The following USP12 variants were observed in gnomAD, a reference collection of about 807,000 sequenced individuals.
USP12 encodes ubiquitin carboxyl-terminal hydrolase 12.
Under a neutral mutation model 45.5 loss-of-function variants are expected in USP12, and 19 were observed. The observed-to-expected ratio is 0.42, with a 90% CI of 0.29 to 0.61. USP12 has a LOEUF of 0.61. Among genes scored for constraint, USP12 ranks in the 20% least tolerant of loss-of-function variants. USP12 has a pLI of 0.22. For synonymous variants in USP12, 149 were observed against 148.8 expected (o/e 1.00, Z -0.01); for missense variants, 242 against 447.7 (o/e 0.54, Z 4.15).
intron 1 of USP12, among the ~76,000 whole-genome samples, chr13:27,160,970 A>T (rs1878080620): frequency 6.6e-6 from 1 of 151,964 alleles, no homozygotes. Flanking sequence ...CACAGGCCCC[A>T]GTGTGTAGCG....
chr13:27,131,394 C>T (rs1427971408), intron 1 of USP12, among the ~76,000 whole-genome samples: 1 of 152,116 alleles, frequency 6.6e-6, no homozygotes, highest in African/African-American at 2.4e-5. Context: ...CTCGGGGTTA[C>T]AGAAATCAAA....
At position 27,075,314 on chromosome 13, in the gene USP12, C is replaced by T. The variant is rs1565980999; in HGVS notation, c.809G>A (p.Arg270Gln). Residue 270 changes from arginine (R) to glutamine (Q), a missense_variant, in exon 7 of 9, where the codon CGA becomes CAA. Transcript: ENST00000282344. ...KRFKYMDQLH[R>Q]YTKLSYRVVF... The stretch of plus-strand genomic sequence containing the variant: ...TACCCGGTAAGAGAGTTTTGTATAT[C>T]GATGAAGTTGATCCATATATTTAAA... 1.9e-6 allele frequency: 3 copies of T among 1,614,020 alleles called. No individual in the cohort carries two copies. The highest frequency in any genetic ancestry group is 2.5e-6 in the Non-Finnish European group (3 of 1,179,990).
intron 1 of USP12, among the ~76,000 whole-genome samples, chr13:27,147,651 G>A (rs1877366775): frequency 6.6e-6 from 1 of 151,934 alleles, no homozygotes; most frequent in Non-Finnish European, 1.5e-5. Flanking sequence ...CAAGAAAAGA[G>A]GATGCATCAC....
rs1876418401 is a variant in USP12 at position 27,129,990 on chromosome 13, T to C, written c.49-13394A>G. Among the ~76,000 whole-genome samples, 1 of 152,154 alleles carries C rather than the reference T, an allele frequency of 6.6e-6. No individual in the cohort carries two copies. Among genetic ancestry groups the C allele is most frequent in the Non-Finnish European group, 1.5e-5 (1 of 68,032 alleles). On this transcript the variant is annotated intron_variant, in intron 1 of 8. Transcript: ENST00000282344. The surrounding 1 kb of genome is among the most constrained non-coding windows in gnomAD (Gnocchi z 4.0). ...CTGAAAAATACATCAGAATCAACTA[T>C]TCTGAACCTTAGAACCTAATCAGAC... is the stretch of plus-strand genomic sequence containing the variant.
chr13:27,144,483 A>C (rs1877216529), intron 1 of USP12, among the ~76,000 whole-genome samples: 1 of 142,564 alleles, frequency 7.0e-6, no homozygotes, highest in Admixed American at 7.3e-5. Flanking sequence ...CCTAGGCAAC[A>C]GGGCAAGACT....
intron 1 of USP12, among the ~76,000 whole-genome samples, chr13:27,151,497 C>T (rs1877565628): frequency 6.6e-6 from 1 of 152,112 alleles, no homozygotes; most frequent in South Asian, 2.1e-4. Context: ...ACTCTTACAC[C>T]AGGGCCAGGC....
intron 1 of USP12, among the ~76,000 whole-genome samples, chr13:27,151,061 G>T (rs1260305885): frequency 6.6e-6 from 1 of 152,150 alleles, no homozygotes; most frequent in Non-Finnish European, 1.5e-5. Flanking sequence ...AGACGCTGTG[G>T]CTCACATCTG....
intron 1 of USP12, among the ~76,000 whole-genome samples, chr13:27,147,264 T>C (rs959937832): frequency 1.3e-5 from 2 of 152,246 alleles, no homozygotes; most frequent in Non-Finnish European, 2.9e-5. Flanking sequence ...TGTAGAATGA[T>C]ACCTAATCTA....
intron 1 of USP12, chr13:27,117,753 G>A: frequency 3.9e-6 from 2 of 518,250 alleles, no homozygotes; most frequent in Middle Eastern, 6.4e-4. Flanking sequence ...CAAAATTCAA[G>A]AAACAAGGAC....
chr13:27,152,424 T>A (rs1296728307), intron 1 of USP12, among the ~76,000 whole-genome samples: 2 of 151,858 alleles, frequency 1.3e-5, no homozygotes. Context: ...AAGCAGATAA[T>A]TATATAAACA....
chr13:27,083,576 A>G (rs1230056567), intron 6 of USP12, among the ~76,000 whole-genome samples: 1 of 152,154 alleles, frequency 6.6e-6, no homozygotes, highest in Non-Finnish European at 1.5e-5. Context: ...GGATAAACGT[A>G]TATGACCATT....
rs1469164861 is a variant in USP12, at chr13:27,069,065, T to C, written c.*218A>G. The C allele has an allele frequency of 9.2e-6, 5 of 542,018 alleles. No individual in the cohort carries two copies. Among genetic ancestry groups the C allele is most frequent in the Admixed American group, 3.5e-5 (1 of 28,802 alleles). 33.6% of individuals were successfully genotyped at this position (542,018 alleles called of 1,614,324 possible). On this transcript the variant is annotated 3_prime_UTR_variant, in exon 9 of 9. Coordinates refer to ENST00000282344, the MANE Select transcript of USP12 (RefSeq NM_182488.4). ...TCTCTGATTTCACCTCCTTGTTGTA[T>C]GGAACTGTACAGACAGCATGATACC... is the stretch of plus-strand genomic sequence containing the variant.
chr13:27,129,154 C>A lies in USP12; in HGVS notation c.49-12558G>T, dbSNP rs1466388628. Among the ~76,000 whole-genome samples the A allele has an allele frequency of 1.8e-5, 1 of 54,410 alleles. No homozygotes were observed. The highest frequency in any genetic ancestry group is 3.1e-5 in the African/African-American group (1 of 32,462). The allele number at this position is 54,410 out of a possible 152,430, so 35.7% of individuals were successfully genotyped here. A position where few individuals can be genotyped will look rare whatever the true frequency, so the allele number is the denominator to read the frequency against. Reference sequence around the variant, plus strand: ...ATCTAGAAAGAGTTCTTCATTCTTACCACAATAAGAAAGTGACCTGTAGCT... The same window carrying A: ...ATCTAGAAAGAGTTCTTCATTCTTAACACAATAAGAAAGTGACCTGTAGCT... On this transcript the variant is annotated intron_variant, in intron 1 of 8. Transcript: ENST00000282344. This position sits in a 1 kb window ranked among gnomAD's most constrained non-coding sequence, Gnocchi z 4.0.
chr13:27,078,152 T>C (rs1304075215), intron 6 of USP12, among the ~76,000 whole-genome samples: 2 of 152,188 alleles, frequency 1.3e-5, no homozygotes, highest in African/African-American at 2.4e-5. Context: ...TGGCCCTCCA[T>C]ATTGGGAGTT....
At chr13:27,142,097 G>C (rs886539870) in intron 1 of USP12, among the ~76,000 whole-genome samples, 2 of 152,178 alleles carry the variant, frequency 1.3e-5, no homozygotes, top group Non-Finnish European at 2.9e-5. Context: ...ACTCCAGCCT[G>C]GGTGACAGAG....
At chr13:27,136,650 C>G (rs1876818151) in intron 1 of USP12, among the ~76,000 whole-genome samples, 1 of 152,282 alleles carries the variant, frequency 6.6e-6, no homozygotes, top group Non-Finnish European at 1.5e-5. Context: ...TTTCTGACTT[C>G]TAAGTGTATA....
chr13:27,071,944 A>C (rs1456218854), intron 7 of USP12, among the ~76,000 whole-genome samples: 1 of 152,198 alleles, frequency 6.6e-6, no homozygotes, highest in Non-Finnish European at 1.5e-5. Context: ...AGAAGTTAAA[A>C]TCCTTTTCAA....
At chr13:27,170,554 A>C (rs1183419996) in intron 1 of USP12, among the ~76,000 whole-genome samples, 1 of 152,254 alleles carries the variant, frequency 6.6e-6, no homozygotes, top group African/African-American at 2.4e-5. Flanking sequence ...TAATGAAACG[A>C]ATTTGTCTCA....
intron 1 of USP12, among the ~76,000 whole-genome samples, chr13:27,144,288 A>C (rs2137823943): frequency 6.6e-6 from 1 of 152,248 alleles, no homozygotes; most frequent in Middle Eastern, 3.4e-3. Flanking sequence ...ACTTCAGCCC[A>C]GTTTGAGACC....
Sources: allele counts gnomAD v4.1 joint callset (sites outside exome capture counted in the v4.1 genomes callset), GRCh38; gene constraint gnomAD v4.1.1; non-coding constraint Gnocchi (gnomAD v3.1); transcripts MANE v1.5; gene names NCBI Gene and HGNC (gene_info 2026-07-23, HGNC 2026-07-21).